The following C9orf72 variants were observed in gnomAD, a reference collection of about 807,000 sequenced individuals.
C9orf72 encodes the protein guanine nucleotide exchange factor C9orf72.
A neutral mutation model predicts 51.6 loss-of-function variants in C9orf72; 44 were observed. The observed-to-expected ratio is 0.85, with a 90% CI of 0.67 to 1.10. The LOEUF (loss-of-function observed/expected upper bound fraction) is 1.10, where lower values mean the gene tolerates loss of function less well. Among genes scored for constraint, C9orf72 ranks in the 50% least tolerant of loss-of-function variants. C9orf72 has a pLI of 0.00. For synonymous variants in C9orf72, 213 were observed against 194.2 expected (o/e 1.10, Z -0.81); for missense variants, 607 against 570.6 (o/e 1.06, Z -0.65).
At chr9:27,558,926 T>G (rs2131536556) in intron 6 of C9orf72, 1 of 193,764 alleles carries the variant, frequency 5.2e-6, no homozygotes, top group Admixed American at 5.8e-5. Flanking sequence ...CATGCAACTT[T>G]TATAGCTTCT....
intron 8 of C9orf72, chr9:27,554,562 G>A: frequency 2.5e-6 from 1 of 398,098 alleles, no homozygotes; most frequent in Non-Finnish European, 4.4e-6. Context: ...GAAATCACCT[G>A]TACACCAAAC....
chr9:27,551,932 T>C (rs189441084), intron 8 of C9orf72, among the ~76,000 whole-genome samples: 3 of 152,356 alleles, frequency 2.0e-5, no homozygotes, highest in Admixed American at 1.3e-4. Flanking sequence ...TTATTCGTTT[T>C]GCGGCTATTG....
chr9:27,570,875 A>AAAACAAAC (rs36017241), intron 1 of C9orf72, among the ~76,000 whole-genome samples: 11 of 151,650 alleles, frequency 7.3e-5, no homozygotes, highest in East Asian at 3.9e-4. Flanking sequence ...CCTCAAGAAA[A>AAAACAAAC]AAACAAACAA....
At chr9:27,561,299 G>A in intron 5 of C9orf72, 9 of 1,179,498 alleles carry the variant, frequency 7.6e-6, no homozygotes, top group African/African-American at 1.6e-5. Context: ...GATTCTGTTA[G>A]CTTTAATGAG....
rs1434392596 is a variant in C9orf72, at chr9:27,561,566, T to C, written c.665+19A>G. The C allele has an allele frequency of 4.3e-6, 7 of 1,610,648 alleles. No individual in the cohort carries two copies. The highest frequency in any genetic ancestry group is 5.9e-6 in the Non-Finnish European group (7 of 1,178,512). ...TGGTATCTGCTTCATCCAGCTTTTA[T>C]GAAAAGAAAAATTCTTACTTGAGAA... On this transcript the variant is annotated intron_variant, in intron 5 of 10. Transcript: ENST00000380003.
At chr9:27,552,006 A>C (rs1209666525) in intron 8 of C9orf72, among the ~76,000 whole-genome samples, 1 of 152,182 alleles carries the variant, frequency 6.6e-6, no homozygotes, top group African/African-American at 2.4e-5. Context: ...AGAGAATGCC[A>C]AAACTTTGCT....
intron 7 of C9orf72, among the ~76,000 whole-genome samples, chr9:27,557,556 CT>C (rs1819235989): frequency 6.6e-6 from 1 of 152,006 alleles, no homozygotes; most frequent in Admixed American, 6.6e-5. Flanking sequence ...GAAATTTCCT[CT>C]AGGCATCTGG....
intron 3 of C9orf72, 146 bp from the exon 4 acceptor site, chr9:27,562,622 T>C (rs1819378035): frequency 2.3e-6 from 1 of 432,036 alleles, no homozygotes; most frequent in Non-Finnish European, 4.1e-6. Context: ...ACAAGTCTAC[T>C]ACATGTCTAA....
At chr9:27,548,757 C>A in intron 9 of C9orf72, 91 bp from the exon 10 acceptor site, 4 of 711,474 alleles carry the variant, frequency 5.6e-6, no homozygotes, top group Non-Finnish European at 1.0e-5. Context: ...GCTTGGCAGA[C>A]AATACACACT....
chr9:27,569,047 T>C (rs1435468336), intron 1 of C9orf72, among the ~76,000 whole-genome samples: 2 of 151,928 alleles, frequency 1.3e-5, no homozygotes, highest in Non-Finnish European at 2.9e-5. Context: ...GGTGAAAGTG[T>C]GTGTGTTTTA....
At chr9:27,573,096 C>T (rs1364720954) in intron 1 of C9orf72, among the ~76,000 whole-genome samples, 1 of 152,164 alleles carries the variant, frequency 6.6e-6, no homozygotes, top group Non-Finnish European at 1.5e-5. Flanking sequence ...CCGAGGCTCC[C>T]TTTTCTCGAG....
chr9:27,553,719 G>C (rs1820954726), intron 8 of C9orf72, among the ~76,000 whole-genome samples: 1 of 151,978 alleles, frequency 6.6e-6, no homozygotes. Flanking sequence ...GACCTAACGA[G>C]CTCCTGCATG....
intron 1 of C9orf72, 89 bp from the exon 2 acceptor site, chr9:27,567,253 G>T: frequency 1.4e-6 from 1 of 732,360 alleles, no homozygotes; most frequent in Non-Finnish European, 2.2e-6. Flanking sequence ...TATTTGGTTT[G>T]TCCTCTTAAG....
In C9orf72 at chr9:27,565,533, G is replaced by A; in HGVS notation, c.502C>T (p.Gln168Ter). The A allele has an allele frequency of 6.3e-7, 1 of 1,594,684 alleles. No homozygotes were observed. The highest frequency in any genetic ancestry group is 8.6e-7 in the Non-Finnish European group (1 of 1,164,150). The change falls in exon 3 of 11, where the codon CAG becomes TAG. Residue 168 changes from glutamine (Q) to a stop codon, truncating the protein, a stop_gained and splice_region_variant. Transcript: ENST00000380003. LOFTEE classifies it high-confidence loss of function. Reference sequence around the variant, plus strand: ...GACAGTATGCAATTTGCATATACCTGATCTTCCATTCTCTCTGTGCCTTCT... The same window carrying A: ...GACAGTATGCAATTTGCATATACCTAATCTTCCATTCTCTCTGTGCCTTCT... Reference protein sequence around the residue: ...ILEGTERMEDQGQSIIPMLTG... With the variant: ...ILEGTERMED
chr9:27,564,156 C>CAAAAAAAAAA (rs11438223), intron 3 of C9orf72, among the ~76,000 whole-genome samples: 3 of 86,706 alleles, frequency 3.5e-5, no homozygotes, highest in South Asian at 4.2e-4. Flanking sequence ...TCAACAACAC[C>CAAAAAAAAAA]AAAAAAAAAA....
intron 8 of C9orf72, among the ~76,000 whole-genome samples, chr9:27,551,194 G>A (rs543514138): frequency 2.0e-5 from 3 of 152,232 alleles, no homozygotes; most frequent in East Asian, 1.9e-4. Flanking sequence ...AACACACTCC[G>A]ATGATTATCC....
intron 8 of C9orf72, among the ~76,000 whole-genome samples, chr9:27,552,904 T>C (rs575744026): frequency 6.6e-6 from 1 of 152,180 alleles, no homozygotes; most frequent in Non-Finnish European, 1.5e-5. Flanking sequence ...TCTATATTCA[T>C]CAAGGATATT....
At chr9:27,553,834 T>TA (rs1040755964) in intron 8 of C9orf72, among the ~76,000 whole-genome samples, 1 of 151,980 alleles carries the variant, frequency 6.6e-6, no homozygotes, top group Admixed American at 6.6e-5. Flanking sequence ...GGAAGGAACT[T>TA]AAAACTAATT....
chr9:27,550,857 A>C, intron 8 of C9orf72, 150 bp from the exon 9 acceptor site: 1 of 502,034 alleles, frequency 2.0e-6, no homozygotes. Context: ...GAATATAGAT[A>C]TATATATTTG....
Sources: gnomAD v4.1 joint callset for allele counts (sites outside exome capture counted in the v4.1 genomes callset) on GRCh38, gnomAD v4.1.1 for gene constraint, MANE v1.5 for transcripts, NCBI Gene and HGNC (gene_info 2026-07-23, HGNC 2026-07-21) for gene names.